The following LIX1 variants were observed in gnomAD, a reference collection of about 807,000 sequenced individuals.
The protein encoded by LIX1 is limb and CNS expressed 1.
LIX1 carries 24 observed loss-of-function variants against 33.4 expected under a neutral mutation model. The ratio of observed to expected loss-of-function variants is 0.72; its 90% CI spans 0.52 to 1.01. The LOEUF is 1.01. Among genes scored for constraint, LIX1 ranks in the 50% least tolerant of loss-of-function variants. The probability of loss-of-function intolerance (pLI) is 0.00; values close to 1 mark genes in which losing one functional copy is unlikely to be tolerated. For synonymous variants in LIX1, 124 were observed against 124.0 expected, an observed-to-expected ratio of 1.00 and a Z score of 0.00; for missense variants, 311 against 339.2, an observed-to-expected ratio of 0.92 and a Z score of 0.65.
At chr5:97,116,440 G>C (rs889389189) in intron 2 of LIX1, among the ~76,000 whole-genome samples, 1 of 151,972 alleles carries the variant, frequency 6.6e-6, no homozygotes, top group Non-Finnish European at 1.5e-5. Context: ...CTAGGTGTGG[G>C]GGAGGGGACT....
intron 4 of LIX1, among the ~76,000 whole-genome samples, chr5:97,101,344 C>A (rs1007270712): frequency 6.6e-6 from 1 of 152,138 alleles, no homozygotes; most frequent in Non-Finnish European, 1.5e-5. Context: ...GGCTCTGTCT[C>A]AGGGGCAAGC....
At chr5:97,102,928 GC>G (rs1197408886) in intron 4 of LIX1, 40 of 365,212 alleles carry the variant, frequency 1.1e-4, no homozygotes, top group African/African-American at 7.8e-4. Flanking sequence ...TGAAATTCCT[GC>G]TTAGGGGAAG....
intron 2 of LIX1, among the ~76,000 whole-genome samples, chr5:97,109,806 T>G (rs1747279335): frequency 6.6e-6 from 1 of 152,068 alleles, no homozygotes; most frequent in Admixed American, 6.5e-5. Flanking sequence ...TGCATCCTCA[T>G]AGCTTAGCTC....
chr5:97,100,471 A>G (rs1214001636), intron 4 of LIX1, among the ~76,000 whole-genome samples: 1 of 152,160 alleles, frequency 6.6e-6, no homozygotes, highest in African/African-American at 2.4e-5. Context: ...TGTCCTCTGT[A>G]GAGATATTCA....
chr5:97,128,434 G>A (rs76721640), intron 1 of LIX1, among the ~76,000 whole-genome samples: 14 of 152,034 alleles, frequency 9.2e-5, no homozygotes, highest in African/African-American at 3.1e-4. Flanking sequence ...TGGCTAGCAT[G>A]GAAATCTTGT....
chr5:97,102,729 CT>C (rs200978547), intron 4 of LIX1, among the ~76,000 whole-genome samples: 20,099 of 143,352 alleles, frequency 0.14, 1,485 homozygotes, highest in Non-Finnish European at 0.19. Context: ...AATTTTAAGA[CT>C]TTTTTTTTTT....
At chr5:97,113,765 T>C (rs1294194892) in intron 2 of LIX1, among the ~76,000 whole-genome samples, 1 of 152,222 alleles carries the variant, frequency 6.6e-6, no homozygotes, top group Non-Finnish European at 1.5e-5. Flanking sequence ...CACATAGCAC[T>C]CTCTAAATCA....
At chr5:97,105,658 A>C (rs553404246) in intron 3 of LIX1, among the ~76,000 whole-genome samples, 1 of 152,240 alleles carries the variant, frequency 6.6e-6, no homozygotes, top group Non-Finnish European at 1.5e-5. Context: ...GCAAGATTAC[A>C]TAATTGACAT....
intron 2 of LIX1, among the ~76,000 whole-genome samples, chr5:97,112,416 A>G (rs1446474015): frequency 6.6e-6 from 1 of 152,222 alleles, no homozygotes; most frequent in Non-Finnish European, 1.5e-5. Context: ...CGAGTGAAGT[A>G]TGATGTTATT....
intron 1 of LIX1, among the ~76,000 whole-genome samples, chr5:97,138,110 C>A (rs542715796): frequency 3.3e-4 from 50 of 152,216 alleles, no homozygotes; most frequent in African/African-American, 1.2e-3. Flanking sequence ...AGTTAATGCA[C>A]CTCAAATATG....
intron 2 of LIX1, 32 bp downstream of exon 2, chr5:97,124,434 C>T: frequency 1.3e-6 from 2 of 1,558,178 alleles, no homozygotes; most frequent in Non-Finnish European, 1.7e-6. Context: ...GCCCAATGAA[C>T]TTTCACTGAC....
At chr5:97,121,145 A>G (rs1747775045) in intron 2 of LIX1, among the ~76,000 whole-genome samples, 1 of 152,156 alleles carries the variant, frequency 6.6e-6, no homozygotes, top group Admixed American at 6.5e-5. Context: ...CCCTAAAGCT[A>G]CGTATATGTT....
At chr5:97,118,377 T>A (rs539444205) in intron 2 of LIX1, among the ~76,000 whole-genome samples, 1 of 152,178 alleles carries the variant, frequency 6.6e-6, no homozygotes, top group African/African-American at 2.4e-5. Flanking sequence ...TAAGATAAAA[T>A]ACTCAAGTTC....
intron 4 of LIX1, 104 bp downstream of exon 4, chr5:97,105,086 G>A: frequency 9.3e-7 from 1 of 1,071,688 alleles, no homozygotes. Context: ...AAACACTTAA[G>A]ACCAAAAGAT....
rs184179728 is a variant in LIX1, at chr5:97,132,620, C to T, written c.83-7991G>A. Among the ~76,000 whole-genome samples the T allele has an allele frequency of 1.1e-4, 17 of 152,178 alleles. No individual in the cohort carries two copies. The East Asian group carries it at 2.9e-3, about 26-fold the overall frequency. On this transcript the variant is annotated intron_variant, in intron 1 of 5. Transcript: ENST00000274382. ...CTTCTTTTAATAACTGGATGTGAAC[C>T]CCATTGCCCTGATGTCCCAGCTTTA...
At chr5:97,113,838 C>T (rs933569361) in intron 2 of LIX1, among the ~76,000 whole-genome samples, 3 of 152,176 alleles carry the variant, frequency 2.0e-5, no homozygotes, top group African/African-American at 7.2e-5. Flanking sequence ...TATAAGACTA[C>T]AAGGATATCT....
chr5:97,128,858 C>T (rs1402156805), intron 1 of LIX1, among the ~76,000 whole-genome samples: 4 of 152,140 alleles, frequency 2.6e-5, no homozygotes, highest in African/African-American at 9.7e-5. Flanking sequence ...CTCACTGTAT[C>T]TGATCAAGCA....
At chr5:97,106,354 T>C (rs1580215358) in intron 3 of LIX1, among the ~76,000 whole-genome samples, 1 of 152,226 alleles carries the variant, frequency 6.6e-6, no homozygotes, top group Admixed American at 6.5e-5. Context: ...CAATCACTCT[T>C]CTTCTCCTGC....
At chr5:97,115,458 A>G (rs1014585582) in intron 2 of LIX1, among the ~76,000 whole-genome samples, 4 of 152,212 alleles carry the variant, frequency 2.6e-5, no homozygotes. Context: ...CATGCTTTGT[A>G]TTAGAAAATA....
Sources: allele counts gnomAD v4.1 joint callset (sites outside exome capture counted in the v4.1 genomes callset), GRCh38; gene constraint gnomAD v4.1.1; transcripts MANE v1.5; gene names NCBI Gene and HGNC (gene_info 2026-07-23, HGNC 2026-07-21).